Variants in RASAL2 observed in about 807,000 individuals in gnomAD.
RASAL2 encodes ras GTPase-activating protein nGAP.
In RASAL2, 58 loss-of-function variants were observed where a neutral mutation model predicts 128.9. That is an observed-to-expected ratio of 0.45 (90% CI 0.36 to 0.56). RASAL2 has a LOEUF of 0.56. RASAL2 is among the 20% of genes least tolerant of loss of function. The pLI, the probability that RASAL2 is intolerant of heterozygous loss-of-function variation, is 0.00. For missense variants in RASAL2, 1,360 were observed against 1,601.6 expected (o/e 0.85, Z 2.57); for synonymous variants, 561 against 580.8 (o/e 0.97, Z 0.49).
intron 1 of RASAL2, among the ~76,000 whole-genome samples, chr1:178,200,525 G>C (rs529735049): frequency 6.6e-6 from 1 of 152,278 alleles, no homozygotes; most frequent in South Asian, 2.1e-4. Context: ...GCTTCTAACT[G>C]CTGGCTTCAG....
rs755576745 is a variant in RASAL2 at position 178,300,028 on chromosome 1, T to A, written c.367T>A (p.Ser123Thr). The A allele has an allele frequency of 1.2e-6, 2 of 1,613,976 alleles. No individual in the cohort carries two copies. The highest frequency in any genetic ancestry group is 8.5e-7 in the Non-Finnish European group (1 of 1,179,938). The change falls in exon 3 of 18, where the codon TCC becomes ACC. Residue 123 changes from serine (S) to threonine (T), a missense_variant. By Grantham distance (58) the Ser-to-Thr change is moderately conservative (BLOSUM62 1). Transcript: ENST00000367649. ...AGGGGGACAGGAGCAGCAGACAGAT[T>A]CCACCAAAGGGCGATGCCTGAGGAG... ...VEGGQEQQTD[S>T]TKGRCLRRTV...
At chr1:178,109,014 C>G (rs1221750537) in intron 1 of RASAL2, among the ~76,000 whole-genome samples, 1 of 152,024 alleles carries the variant, frequency 6.6e-6, no homozygotes, top group Admixed American at 6.6e-5. Context: ...CTTTCTATGC[C>G]TATTACTTAT....
intron 8 of RASAL2, among the ~76,000 whole-genome samples, chr1:178,443,602 GT>G (rs1484779077): frequency 5.9e-5 from 9 of 152,146 alleles, no homozygotes; most frequent in Non-Finnish European, 1.2e-4. Flanking sequence ...TTTTATTTAA[GT>G]TTAACTGATG....
chr1:178,462,995 T>A (rs932467478), intron 14 of RASAL2, among the ~76,000 whole-genome samples: 4 of 152,156 alleles, frequency 2.6e-5, no homozygotes, highest in Admixed American at 1.3e-4. Context: ...AGCCTTTTAG[T>A]CTCTGCAATC....
In RASAL2 at chr1:178,302,796, C is replaced by T. The variant is rs74427363; in HGVS notation, c.457+2678C>T. ...GTGGTTCACGCCTATAATCCCAGCACTTTGGGAGGCCAAGGTGGGAAGATC... is the reference window on the plus strand; with the variant it reads ...GTGGTTCACGCCTATAATCCCAGCATTTTGGGAGGCCAAGGTGGGAAGATC... On this transcript the variant is annotated intron_variant, in intron 3 of 17. Coordinates refer to ENST00000367649, the MANE Select transcript of RASAL2 (RefSeq NM_170692.4). Among the ~76,000 whole-genome samples, 28 of 152,284 alleles carry T rather than the reference C, an allele frequency of 1.8e-4. No individual in the cohort carries two copies. In the East Asian group the frequency reaches 5.4e-3, roughly 29 times the overall value.
At chr1:178,319,693 T>G (rs1234373926) in intron 3 of RASAL2, among the ~76,000 whole-genome samples, 2 of 151,032 alleles carry the variant, frequency 1.3e-5, no homozygotes, top group Non-Finnish European at 2.9e-5. Context: ...TTATACATTC[T>G]TCTAAATTTT....
intron 1 of RASAL2, among the ~76,000 whole-genome samples, chr1:178,195,316 T>A (rs1662623539): frequency 6.6e-6 from 1 of 152,258 alleles, no homozygotes; most frequent in South Asian, 2.1e-4. Flanking sequence ...ATTAAATATT[T>A]CTGATTTAAT....
chr1:178,443,269 C>T, intron 8 of RASAL2, 40 bp downstream of exon 8: 1 of 1,492,020 alleles, frequency 6.7e-7, no homozygotes, highest in South Asian at 1.3e-5. Flanking sequence ...GAAGTCTCTT[C>T]CCTACCTTTC....
intron 1 of RASAL2, among the ~76,000 whole-genome samples, chr1:178,242,438 TC>T (rs1664545295): frequency 5.1e-5 from 1 of 19,440 alleles, no homozygotes; most frequent in Non-Finnish European, 1.1e-4. Context: ...TCTCTCTCTC[TC>T]TCTCTCTCTC....
At position 178,291,180 on chromosome 1, in the gene RASAL2, G is replaced by A. The variant is rs1667267300; in HGVS notation, c.330+7489G>A. On this transcript the variant is annotated intron_variant, in intron 2 of 17. Coordinates refer to ENST00000367649, the MANE Select transcript of RASAL2 (RefSeq NM_170692.4). ...AGTGTATATAATGATACAAAGTCAA[G>A]AAACATATGTCTCTTTGGCAAACTG... 3.3e-5 allele frequency among the ~76,000 whole-genome samples: 5 copies of A among 152,280 alleles called. No homozygotes were observed. The South Asian group carries it at 1.0e-3, about 32-fold the overall frequency.
Position 178,467,278 on chromosome 1 carries a change from A to G in RASAL2, c.3591-56A>G, listed in dbSNP as rs1216698067. 5 of 1,418,972 alleles carry G rather than the reference A, an allele frequency of 3.5e-6. No homozygotes were observed. The African/African-American group carries it at 4.2e-5, about 12-fold the overall frequency. The allele number at this position is 1,418,972 out of a possible 1,614,324, so 87.9% of individuals were successfully genotyped here. On this transcript the variant is annotated intron_variant, in intron 16 of 17. Transcript: ENST00000367649. ...AGGATATTGAGTTTTCCTGTTCTCT[A>G]CACTAGCTAGCCCTTTCTTTGAAGA...
chr1:178,301,082 T>G (rs756252804), intron 3 of RASAL2, among the ~76,000 whole-genome samples: 88 of 152,332 alleles, frequency 5.8e-4, no homozygotes, highest in Non-Finnish European at 8.8e-5. Context: ...CCAGAGCTTT[T>G]GGCTGGAATT....
chr1:178,340,588 T>C (rs16852717), intron 3 of RASAL2, among the ~76,000 whole-genome samples: 16,188 of 152,244 alleles, frequency 0.11, 914 homozygotes, highest in Middle Eastern at 0.14. Context: ...TAAAATTGTT[T>C]TGATTATTCT....
At chr1:178,416,467 T>G (rs1252556912) in intron 4 of RASAL2, among the ~76,000 whole-genome samples, 1 of 152,036 alleles carries the variant, frequency 6.6e-6, no homozygotes, top group East Asian at 1.9e-4. Context: ...GCATACATAA[T>G]TAAATACATT....
intron 1 of RASAL2, among the ~76,000 whole-genome samples, chr1:178,156,595 TGAGTC>T (rs1281734842): frequency 6.6e-6 from 1 of 152,204 alleles, no homozygotes; most frequent in Non-Finnish European, 1.5e-5. Flanking sequence ...AGTGTATATA[TGAGTC>T]ACAAACTTCA....
Position 178,475,418 on chromosome 1 carries a change from T to G in RASAL2, c.*2179T>G, listed in dbSNP as rs1448179419. ...GTGTCCTTTGTTGAAGGAGGAGGGA[T>G]GTAAGCATAGATTTGTTCTTGTTTC... On this transcript the variant is annotated 3_prime_UTR_variant, in exon 18 of 18. Transcript: ENST00000367649. The G allele has an allele frequency of 6.6e-6, 1 of 152,224 alleles. No individual in the cohort carries two copies. The highest frequency in any genetic ancestry group is 2.4e-5 in the African/African-American group (1 of 41,458). 9.4% of individuals were successfully genotyped at this position (152,224 alleles called of 1,614,324 possible).
chr1:178,193,523 T>C (rs16852552), intron 1 of RASAL2, among the ~76,000 whole-genome samples: 4,288 of 152,258 alleles, frequency 0.028, 79 homozygotes, highest in East Asian at 0.088. Flanking sequence ...AAAACTTAAT[T>C]CTATTTGGAA....
intron 1 of RASAL2, among the ~76,000 whole-genome samples, chr1:178,202,484 C>A (rs751967922): frequency 1.3e-5 from 2 of 152,176 alleles, no homozygotes; most frequent in Non-Finnish European, 2.9e-5. Flanking sequence ...TGGAGGATAG[C>A]GGTGAAGGAA....
chr1:178,439,120 T>A (rs1409062267), intron 5 of RASAL2, among the ~76,000 whole-genome samples: 1 of 152,006 alleles, frequency 6.6e-6, no homozygotes. Flanking sequence ...AAAATAGGAA[T>A]AAGAATAAAA....
Sources: allele counts gnomAD v4.1 joint callset (sites outside exome capture counted in the v4.1 genomes callset), GRCh38; gene constraint gnomAD v4.1.1; transcripts MANE v1.5; gene names NCBI Gene and HGNC (gene_info 2026-07-23, HGNC 2026-07-21).